GPHN: variants seen among roughly 807,000 people sequenced by gnomAD.
GPHN encodes the protein gephyrin.
Under a neutral mutation model 95.5 loss-of-function variants are expected in GPHN, and 17 were observed. The observed-to-expected ratio is 0.18, with a 90% CI of 0.12 to 0.27. The LOEUF is 0.27. Ranked by LOEUF, GPHN falls within the 10% of genes least tolerant of loss-of-function variation. GPHN has a pLI of 1.00. For missense variants in GPHN, 660 were observed against 978.1 expected (o/e 0.67, Z 4.34); for synonymous variants, 320 against 322.5 (o/e 0.99, Z 0.08).
intron 4 of GPHN, among the ~76,000 whole-genome samples, chr14:66,856,127 G>A (rs754535234): frequency 8.5e-5 from 13 of 152,182 alleles, no homozygotes; most frequent in Non-Finnish European, 1.5e-4. Context: ...TAAAATATGC[G>A]AGGCCTTATA....
chr14:66,514,362 A>G (rs1435509833), intron 1 of GPHN, among the ~76,000 whole-genome samples: 2 of 152,028 alleles, frequency 1.3e-5, no homozygotes, highest in African/African-American at 4.8e-5. Context: ...TGAATCATAG[A>G]AAGAACACTG....
the GPHN span, among the ~76,000 whole-genome samples, chr14:67,300,571 G>A: frequency 6.6e-6 from 1 of 152,102 alleles, no homozygotes; most frequent in African/African-American, 2.4e-5. Flanking sequence ...CAAGTGATCT[G>A]CCTGCTTTGG....
chr14:67,033,033 G>T (rs188134322), intron 10 of GPHN, among the ~76,000 whole-genome samples: 2 of 152,160 alleles, frequency 1.3e-5, no homozygotes, highest in Non-Finnish European at 2.9e-5. Context: ...ACAAAATCAG[G>T]AAACCAATGA....
chr14:67,651,569 G>C, the GPHN span: 1 of 1,443,584 alleles, frequency 6.9e-7, no homozygotes, highest in Non-Finnish European at 9.4e-7. Flanking sequence ...GACCACGGCT[G>C]GATACTCTGA....
At chr14:67,600,243 C>G in the GPHN span, 1 of 1,493,110 alleles carries the variant, frequency 6.7e-7, no homozygotes. Context: ...CGGCGCTGCA[C>G]TGCGCTCGCC....
chr14:66,837,165 T>C (rs573234292), intron 4 of GPHN, among the ~76,000 whole-genome samples: 79 of 151,642 alleles, frequency 5.2e-4, no homozygotes, highest in African/African-American at 1.6e-3. Context: ...TACGGCATTA[T>C]TCACAATAGC....
chr14:67,639,920 G>C, the GPHN span, among the ~76,000 whole-genome samples: 24 of 91,166 alleles, frequency 2.6e-4, no homozygotes, highest in Admixed American at 5.0e-4. Flanking sequence ...GCAAGACCCT[G>C]TCTCAAAAAA....
At chr14:67,225,432 A>C in the GPHN span, among the ~76,000 whole-genome samples, 3 of 152,176 alleles carry the variant, frequency 2.0e-5, no homozygotes, top group African/African-American at 7.2e-5. Flanking sequence ...CTGCTCTAGA[A>C]TCCATCATGG....
chr14:67,459,735 A>G, the GPHN span, among the ~76,000 whole-genome samples: 15 of 152,236 alleles, frequency 9.9e-5, no homozygotes, highest in Admixed American at 7.2e-4. Flanking sequence ...TAGGCGCTCA[A>G]TAAACCCTAA....
the GPHN span, chr14:67,586,822 C>T: frequency 2.7e-6 from 4 of 1,463,840 alleles, no homozygotes; most frequent in Non-Finnish European, 3.6e-6. Context: ...CTAACCAGAG[C>T]AGAACACTGG....
At chr14:67,500,573 ATT>A in the GPHN span, among the ~76,000 whole-genome samples, 8 of 138,806 alleles carry the variant, frequency 5.8e-5, no homozygotes, top group Admixed American at 7.2e-5. Flanking sequence ...GTGCATTTGG[ATT>A]TTTTTTTTTT....
At chr14:66,965,938 T>C (rs2069293818) in intron 9 of GPHN, among the ~76,000 whole-genome samples, 1 of 152,146 alleles carries the variant, frequency 6.6e-6, no homozygotes, top group East Asian at 1.9e-4. Flanking sequence ...GAGACACTTA[T>C]ATGCTGTTCA....
the GPHN span, among the ~76,000 whole-genome samples, chr14:67,598,573 C>G: frequency 6.6e-6 from 1 of 152,138 alleles, no homozygotes; most frequent in Non-Finnish European, 1.5e-5. Context: ...TAATAAATAT[C>G]TATTTCCTCC....
intron 21 of GPHN, 66 bp from the exon 22 acceptor site, chr14:67,179,512 C>A: frequency 1.1e-6 from 1 of 906,478 alleles, no homozygotes; most frequent in Non-Finnish European, 1.9e-6. Context: ...ACAACCCCTA[C>A]TATCTTGTAT....
intron 1 of GPHN, among the ~76,000 whole-genome samples, 165 bp downstream of exon 1, chr14:66,508,756 G>T (rs1412501166): frequency 6.6e-6 from 1 of 152,200 alleles, no homozygotes; most frequent in Non-Finnish European, 1.5e-5. Context: ...GGAGATTGGG[G>T]GTGTTCCCGC....
the GPHN span, among the ~76,000 whole-genome samples, chr14:67,716,867 G>C: frequency 3.4e-5 from 5 of 146,966 alleles, no homozygotes; most frequent in Non-Finnish European, 5.9e-5. Context: ...CTGAGTGACA[G>C]AGTGAGTCTC....
chr14:67,205,532 C>T, the GPHN span, among the ~76,000 whole-genome samples: 2 of 151,950 alleles, frequency 1.3e-5, no homozygotes, highest in African/African-American at 2.4e-5. Flanking sequence ...GATGGAATTT[C>T]GATGGGTAAA....
chr14:67,359,040 G>A, the GPHN span, among the ~76,000 whole-genome samples: 97 of 152,340 alleles, frequency 6.4e-4, 1 homozygote, highest in East Asian at 0.018. Context: ...ACACAGGTCT[G>A]AACAAGGTGC....
At chr14:67,303,570 A>C in the GPHN span, 1 of 1,613,804 alleles carries the variant, frequency 6.2e-7, no homozygotes, top group Non-Finnish European at 8.5e-7. Flanking sequence ...CAGTCAACAG[A>C]TCAAGCCGCC....
Sources: gnomAD v4.1 joint callset for allele counts (sites outside exome capture counted in the v4.1 genomes callset) on GRCh38, gnomAD v4.1.1 for gene constraint, MANE v1.5 for transcripts, NCBI Gene and HGNC (gene_info 2026-07-23, HGNC 2026-07-21) for gene names.